CDH18: variants seen among roughly 807,000 people sequenced by gnomAD.
CDH18 encodes the protein cadherin 18.
In CDH18, 31 loss-of-function variants were observed where a neutral mutation model predicts 67.9. The observed-to-expected ratio is 0.46, with a 90% CI of 0.34 to 0.62. CDH18 has a LOEUF of 0.62. CDH18 is among the 20% of genes least tolerant of loss of function. The pLI is 0.01. For synonymous variants in CDH18, 362 were observed against 347.2 expected (o/e 1.04, Z -0.48); for missense variants, 890 against 975.5 (o/e 0.91, Z 1.17).
chr5:20,499,916 T>C lies in CDH18; in HGVS notation c.-580+75546A>G, dbSNP rs79362367. Among the ~76,000 whole-genome samples the C allele has an allele frequency of 5.3e-4, 81 of 152,280 alleles. No individual in the cohort carries two copies. In the East Asian group the frequency reaches 0.011, roughly 20 times the overall value. ...GAACTGTGCTTATCCCAGTAATACT[T>C]GAGCATGCCTGTTTCCCCTCACCTT... On this transcript the variant is annotated intron_variant, in intron 1 of 14. Coordinates refer to the CDH18 transcript ENST00000507958.
At chr5:20,305,532 T>A (rs10461758) in intron 1 of CDH18, 43,914 of 847,026 alleles carry the variant, frequency 0.052, 2,060 homozygotes, top group East Asian at 0.15. Context: ...CGCAGGGGTC[T>A]CGAGCGGCTG....
intron 3 of CDH18, among the ~76,000 whole-genome samples, chr5:19,775,882 C>G (rs961007193): frequency 6.6e-6 from 1 of 152,092 alleles, no homozygotes; most frequent in Middle Eastern, 3.4e-3. Context: ...AACTCATAAG[C>G]TAGAGTTCAT....
intron 1 of CDH18, among the ~76,000 whole-genome samples, chr5:20,390,815 G>T (rs1172121888): frequency 2.0e-5 from 3 of 152,214 alleles, no homozygotes; most frequent in East Asian, 1.9e-4. Context: ...CCATAAAAAA[G>T]GATGAGTTCA....
intron 5 of CDH18, among the ~76,000 whole-genome samples, chr5:19,717,086 T>C (rs79297998): frequency 0.012 from 1,795 of 152,176 alleles, 36 homozygotes; most frequent in African/African-American, 0.042. Context: ...GAGCTGATAT[T>C]GACTACTATA....
intron 3 of CDH18, among the ~76,000 whole-genome samples, chr5:19,752,405 C>T (rs1392401183): frequency 6.6e-6 from 1 of 152,184 alleles, no homozygotes; most frequent in African/African-American, 2.4e-5. Flanking sequence ...TGACTCCCGG[C>T]TCTCCCCCAC....
chr5:20,173,848 G>T (rs1181284586), intron 2 of CDH18, among the ~76,000 whole-genome samples: 1 of 152,092 alleles, frequency 6.6e-6, no homozygotes, highest in East Asian at 1.9e-4. Flanking sequence ...TATCACTATT[G>T]AATTTAGAGA....
At chr5:20,481,448 C>T (rs1248643283) in intron 1 of CDH18, among the ~76,000 whole-genome samples, 1 of 152,018 alleles carries the variant, frequency 6.6e-6, no homozygotes, top group East Asian at 1.9e-4. Context: ...ACTTAATCAG[C>T]ACTATAGAAA....
intron 1 of CDH18, among the ~76,000 whole-genome samples, chr5:20,344,418 G>A (rs1380255530): frequency 6.6e-6 from 1 of 152,058 alleles, no homozygotes; most frequent in South Asian, 2.1e-4. Flanking sequence ...GGTATGGGTA[G>A]ATACCTTTAC....
chr5:20,498,968 C>A (rs1159896044), intron 1 of CDH18, among the ~76,000 whole-genome samples: 1 of 151,878 alleles, frequency 6.6e-6, no homozygotes, highest in Non-Finnish European at 1.5e-5. Flanking sequence ...CTTGTGTTTC[C>A]TGGTTTAATT....
At position 20,377,017 on chromosome 5, in the gene CDH18, CA is replaced by C. The variant is rs34122318; in HGVS notation, c.-579-121513del. ...GGGTGACAAGAATGAGACTCCGTCT[CA>C]AAAAAAAAAAAAAATATTAGGTCAG... On this transcript the variant is annotated intron_variant, in intron 1 of 14. Transcript: ENST00000507958. 0.018 allele frequency among the ~76,000 whole-genome samples: 2,535 copies of C among 142,732 alleles called. 240 individuals are homozygous for C. The East Asian group carries it at 0.31, about 17-fold the overall frequency. The allele number at this position is 142,732 out of a possible 152,430, so 93.6% of individuals were successfully genotyped here.
chr5:20,287,262 G>A (rs1746761488), intron 1 of CDH18, among the ~76,000 whole-genome samples: 1 of 151,668 alleles, frequency 6.6e-6, no homozygotes, highest in Non-Finnish European at 1.5e-5. Context: ...AATTGGAATT[G>A]ATCCAGAATC....
intron 1 of CDH18, among the ~76,000 whole-genome samples, chr5:20,361,150 T>A (rs1047308795): frequency 2.6e-5 from 4 of 151,998 alleles, no homozygotes; most frequent in African/African-American, 9.7e-5. Context: ...AATTGTTCAT[T>A]CATTCATTCA....
At chr5:19,799,588 TTATC>T (rs1042117173) in intron 3 of CDH18, among the ~76,000 whole-genome samples, 36 of 152,076 alleles carry the variant, frequency 2.4e-4, no homozygotes, top group African/African-American at 4.6e-4. Flanking sequence ...AATGTATACA[TTATC>T]TAGGAGTAAT....
intron 1 of CDH18, among the ~76,000 whole-genome samples, chr5:20,458,862 G>A (rs981816270): frequency 6.6e-6 from 1 of 152,132 alleles, no homozygotes; most frequent in African/African-American, 2.4e-5. Context: ...ATTTTAAAAA[G>A]TGAAGTATAA....
At chr5:20,456,090 C>A in intron 1 of CDH18, among the ~76,000 whole-genome samples, 1 of 152,084 alleles carries the variant, frequency 6.6e-6, no homozygotes, top group East Asian at 1.9e-4. Flanking sequence ...CCTCCTTCAA[C>A]AAGGAGTACA....
intron 1 of CDH18, among the ~76,000 whole-genome samples, chr5:20,517,109 G>T (rs967672774): frequency 2.0e-5 from 3 of 151,798 alleles, no homozygotes; most frequent in African/African-American, 7.2e-5. Context: ...TTGATGTTTA[G>T]TCTGATGATT....
rs186373091 is a variant in CDH18, at chr5:20,044,936, A to T, written c.-517-52922T>A. Among the ~76,000 whole-genome samples, 24 of 152,224 alleles carry T rather than the reference A, an allele frequency of 1.6e-4. No individual in the cohort carries two copies. The East Asian group carries it at 4.3e-3, about 27-fold the overall frequency. On this transcript the variant is annotated intron_variant, in intron 2 of 14. Transcript: ENST00000507958. Reference sequence around the variant, plus strand: ...TTTACTAAAAATGTGAGGCAAATAAAGTTTTAATATTTGCTCACTCTCTCT... The same window carrying T: ...TTTACTAAAAATGTGAGGCAAATAATGTTTTAATATTTGCTCACTCTCTCT...
At chr5:19,847,363 C>T (rs1247591394) in intron 2 of CDH18, among the ~76,000 whole-genome samples, 1 of 152,066 alleles carries the variant, frequency 6.6e-6, no homozygotes, top group East Asian at 1.9e-4. Context: ...TTTAAGTTAT[C>T]TGATTCTTCA....
At chr5:20,327,171 CCAAACTCATTATGCCAAAGGG>C (rs1029562132) in intron 1 of CDH18, among the ~76,000 whole-genome samples, 10 of 152,044 alleles carry the variant, frequency 6.6e-5, no homozygotes, top group Admixed American at 5.9e-4. Flanking sequence ...TATTGCGACC[CCAAACTCATTATGCCAAAGGG>C]AAAGTTCAGC....
Sources: allele counts gnomAD v4.1 joint callset (sites outside exome capture counted in the v4.1 genomes callset), GRCh38; gene constraint gnomAD v4.1.1; transcripts MANE v1.5; gene names NCBI Gene and HGNC (gene_info 2026-07-23, HGNC 2026-07-21).